Variants in GAB2 observed in about 807,000 individuals in gnomAD.
GAB2 encodes GRB2-associated-binding protein 2.
A neutral mutation model predicts 65.5 loss-of-function variants in GAB2; 26 were observed. The ratio of observed to expected loss-of-function variants is 0.40; its 90% CI spans 0.29 to 0.55. The LOEUF (loss-of-function observed/expected upper bound fraction) is 0.55. Among genes scored for constraint, GAB2 ranks in the 20% least tolerant of loss-of-function variants. GAB2 has a pLI of 0.53. For missense variants in GAB2, 884 were observed against 875.8 expected, an observed-to-expected ratio of 1.01 and a Z score of -0.12; for synonymous variants, 321 against 329.6, an observed-to-expected ratio of 0.97 and a Z score of 0.28.
At chr11:78,368,273 C>A (rs910507408) in intron 1 of GAB2, among the ~76,000 whole-genome samples, 5 of 152,158 alleles carry the variant, frequency 3.3e-5, no homozygotes, top group Admixed American at 6.5e-5. Flanking sequence ...ATGCATCTGC[C>A]TTGATGGTTT....
At chr11:78,322,041 A>C (rs929287406) in intron 1 of GAB2, among the ~76,000 whole-genome samples, 4 of 152,100 alleles carry the variant, frequency 2.6e-5, no homozygotes, top group African/African-American at 9.7e-5. Context: ...ACAGTGGCCC[A>C]CATCTGTAAT....
At chr11:78,319,191 A>T (rs914360086) in intron 1 of GAB2, among the ~76,000 whole-genome samples, 6 of 151,820 alleles carry the variant, frequency 4.0e-5, no homozygotes, top group East Asian at 1.9e-4. Flanking sequence ...CTAAAAATGA[A>T]TTTTTTTTCC....
chr11:78,373,103 C>T (rs1391007836), intron 1 of GAB2, among the ~76,000 whole-genome samples: 1 of 152,056 alleles, frequency 6.6e-6, no homozygotes, highest in Non-Finnish European at 1.5e-5. Context: ...AAAGGGAAGA[C>T]TGTGAATACT....
chr11:78,247,975 A>G (rs951141592), intron 3 of GAB2, among the ~76,000 whole-genome samples: 2 of 152,204 alleles, frequency 1.3e-5, no homozygotes, highest in African/African-American at 4.8e-5. Flanking sequence ...GGCCTACAAC[A>G]ATGTGACTTC....
Position 78,355,680 on chromosome 11 carries a change from TAAAAA to T in GAB2, c.75+61961_75+61965del, listed in dbSNP as rs67850407. On this transcript the variant is annotated intron_variant, in intron 1 of 9. Coordinates refer to ENST00000361507, the MANE Select transcript of GAB2 (RefSeq NM_080491.3). ...AAACAGAGAGAGACCCTGTCTCACT[TAAAAA>T]AAAAAAAAAAAAAAAAAAAGACCAA... Among the ~76,000 whole-genome samples, 8 of 79,140 alleles carry T rather than the reference TAAAAA, an allele frequency of 1.0e-4. No individual in the cohort carries two copies. The Admixed American group carries it at 1.4e-3, about 14-fold the overall frequency. 51.9% of individuals were successfully genotyped at this position (79,140 alleles called of 152,430 possible). A position where few individuals can be genotyped will look rare whatever the true frequency, so the allele number is the denominator to read the frequency against.
intron 1 of GAB2, among the ~76,000 whole-genome samples, chr11:78,359,296 A>G (rs1856402266): frequency 1.3e-5 from 2 of 152,214 alleles, no homozygotes; most frequent in African/African-American, 4.8e-5. Flanking sequence ...TATGGTAATG[A>G]AATTGAATAC....
At chr11:78,328,039 C>G (rs1365818885) in intron 1 of GAB2, among the ~76,000 whole-genome samples, 4 of 152,114 alleles carry the variant, frequency 2.6e-5, no homozygotes, top group Non-Finnish European at 4.4e-5. Context: ...GTGGGAAAGT[C>G]GTGGTGGGCT....
chr11:78,233,779 G>A (rs541051446), intron 3 of GAB2, among the ~76,000 whole-genome samples: 19 of 152,204 alleles, frequency 1.2e-4, no homozygotes, highest in Non-Finnish European at 1.9e-4. Context: ...TCTAATTTTT[G>A]TATTTTTAGC....
intron 3 of GAB2, among the ~76,000 whole-genome samples, chr11:78,246,181 C>T (rs1865292123): frequency 6.6e-6 from 1 of 151,896 alleles, no homozygotes; most frequent in Admixed American, 6.6e-5. Flanking sequence ...ACTCACCTGC[C>T]TCGGGCTCCC....
chr11:78,269,271 G>T (rs553837513), intron 2 of GAB2, among the ~76,000 whole-genome samples: 5 of 152,148 alleles, frequency 3.3e-5, no homozygotes, highest in Non-Finnish European at 7.3e-5. Context: ...TCCAACAAGG[G>T]TTCCCCAGAG....
chr11:78,251,012 T>C (rs1865439938), intron 2 of GAB2, among the ~76,000 whole-genome samples: 1 of 152,016 alleles, frequency 6.6e-6, no homozygotes, highest in Admixed American at 6.6e-5. Context: ...CAATGCTATT[T>C]GGGTGATAGG....
chr11:78,253,813 A>G (rs989210181), intron 2 of GAB2, among the ~76,000 whole-genome samples: 2 of 152,224 alleles, frequency 1.3e-5, no homozygotes, highest in Admixed American at 6.5e-5. Flanking sequence ...TGATCAAAAA[A>G]AGTACACACC....
intron 1 of GAB2, among the ~76,000 whole-genome samples, chr11:78,365,494 C>T (rs1856484742): frequency 1.3e-5 from 2 of 152,212 alleles, no homozygotes; most frequent in African/African-American, 2.4e-5. Flanking sequence ...TATGCAGGGG[C>T]TGGCCTCCAG....
chr11:78,338,335 T>G (rs1856036950), intron 1 of GAB2, among the ~76,000 whole-genome samples: 1 of 152,168 alleles, frequency 6.6e-6, no homozygotes, highest in South Asian at 2.1e-4. Context: ...AGTAGAAATC[T>G]TTTGGAGGTT....
At chr11:78,370,977 C>T (rs1390580753) in intron 1 of GAB2, among the ~76,000 whole-genome samples, 3 of 152,170 alleles carry the variant, frequency 2.0e-5, no homozygotes, top group Non-Finnish European at 4.4e-5. Context: ...GGCTTAGGCA[C>T]ATGAGTTGCT....
chr11:78,346,709 ATATATATATATAAT>A (rs1565168234), intron 1 of GAB2, among the ~76,000 whole-genome samples: 99 of 71,648 alleles, frequency 1.4e-3, no homozygotes, highest in Middle Eastern at 7.2e-3. Flanking sequence ...ATATATATAT[ATATATATATATAAT>A]TTTTTTTTTT....
intron 3 of GAB2, among the ~76,000 whole-genome samples, chr11:78,248,362 T>C (rs891101177): frequency 2.6e-5 from 4 of 152,216 alleles, no homozygotes; most frequent in African/African-American, 9.6e-5. Context: ...TAAAGCCTTC[T>C]ACTTAGTGTG....
At chr11:78,248,166 A>C (rs1865348208) in intron 3 of GAB2, among the ~76,000 whole-genome samples, 1 of 152,190 alleles carries the variant, frequency 6.6e-6, no homozygotes. Flanking sequence ...AGAATAAAAA[A>C]CTGCTGTGGC....
chr11:78,276,733 C>T (rs901998339), intron 2 of GAB2, among the ~76,000 whole-genome samples: 4 of 152,178 alleles, frequency 2.6e-5, no homozygotes, highest in African/African-American at 7.2e-5. Flanking sequence ...AATGTAGTTT[C>T]CACATTTTCA....
Sources: allele counts gnomAD v4.1 joint callset (sites outside exome capture counted in the v4.1 genomes callset), GRCh38; gene constraint gnomAD v4.1.1; transcripts MANE v1.5; gene names NCBI Gene and HGNC (gene_info 2026-07-23, HGNC 2026-07-21).